The following WDPCP variants were observed in gnomAD, a reference collection of about 807,000 sequenced individuals.
WDPCP encodes the protein WD repeat containing planar cell polarity effector.
In WDPCP, 71 loss-of-function variants were observed where a neutral mutation model predicts 93.1. The observed-to-expected ratio is 0.76, with a 90% CI of 0.63 to 0.93. The LOEUF is 0.93. WDPCP is among the 40% of genes least tolerant of loss of function. The pLI is 0.00. For missense variants in WDPCP, 844 were observed against 887.4 expected, an observed-to-expected ratio of 0.95 and a Z score of 0.62; for synonymous variants, 315 against 315.0, an observed-to-expected ratio of 1.00 and a Z score of 0.00.
At chr2:63,549,122 G>A (rs1032821256) in intron 1 of WDPCP, among the ~76,000 whole-genome samples, 4 of 151,712 alleles carry the variant, frequency 2.6e-5, no homozygotes, top group African/African-American at 4.8e-5. Context: ...GGTGGCTGAC[G>A]CCTGTAATCC....
chr2:63,618,865 T>G (rs919604262), intron 3 of WDPCP, among the ~76,000 whole-genome samples: 3 of 152,102 alleles, frequency 2.0e-5, no homozygotes, highest in African/African-American at 7.2e-5. Flanking sequence ...AATTTTGTAT[T>G]TTTAGTAGAG....
At chr2:63,214,738 G>A (rs940510706) in intron 14 of WDPCP, among the ~76,000 whole-genome samples, 2 of 152,054 alleles carry the variant, frequency 1.3e-5, no homozygotes, top group East Asian at 1.9e-4. Context: ...CATCTCAGCC[G>A]AATATCTCCT....
rs1354774454 is a variant in WDPCP, at chr2:63,234,251, TAAC to T, written c.1915+25053_1915+25055del. On this transcript the variant is annotated intron_variant, in intron 14 of 17. Coordinates refer to ENST00000272321, the MANE Select transcript of WDPCP (RefSeq NM_015910.7). ...TTTCATCGAAAAGAATAAATGGGTA[TAAC>T]AACACCTGTTACCATCTATCTTTTA... is the stretch of plus-strand genomic sequence containing the variant. Among the ~76,000 whole-genome samples, 10 of 152,222 alleles carry T rather than the reference TAAC, an allele frequency of 6.6e-5. No homozygotes were observed. In the East Asian group the frequency reaches 1.9e-3, roughly 29 times the overall value.
At chr2:63,791,207 T>C (rs1670539999) in intron 2 of WDPCP, among the ~76,000 whole-genome samples, 1 of 152,178 alleles carries the variant, frequency 6.6e-6, no homozygotes, top group Admixed American at 6.5e-5. Flanking sequence ...GGGGAATACT[T>C]TAAAGGATTC....
intron 12 of WDPCP, chr2:63,378,086 A>G: frequency 3.1e-6 from 1 of 319,638 alleles, no homozygotes; most frequent in East Asian, 6.8e-5. Context: ...GAAAATATTT[A>G]CTTAGTGCGA....
rs190963187 is a variant in WDPCP, at chr2:63,567,008, G to A, written c.75+21189C>T. 2.0e-3 allele frequency among the ~76,000 whole-genome samples: 312 copies of A among 152,310 alleles called. 1 individual carries two copies. Among genetic ancestry groups the A allele is most frequent in the African/African-American group, 6.7e-3 (280 of 41,558 alleles). Reference sequence around the variant, plus strand: ...GCAGCAGGGGTCGGGTGGAGTTGAGGTCGGGGGTGGTGTGGTTGTGGGGAG... The same window carrying A: ...GCAGCAGGGGTCGGGTGGAGTTGAGATCGGGGGTGGTGTGGTTGTGGGGAG... On this transcript the variant is annotated intron_variant, in intron 1 of 17. Coordinates refer to ENST00000272321, the MANE Select transcript of WDPCP (RefSeq NM_015910.7).
intron 1 of WDPCP, among the ~76,000 whole-genome samples, chr2:63,552,588 C>T (rs1328720846): frequency 2.0e-5 from 3 of 151,924 alleles, no homozygotes; most frequent in Non-Finnish European, 2.9e-5. Flanking sequence ...GGGTATATTG[C>T]GTGATGCTGG....
chr2:63,168,220 T>G (rs143488317), intron 15 of WDPCP, among the ~76,000 whole-genome samples: 227 of 152,254 alleles, frequency 1.5e-3, no homozygotes, highest in Non-Finnish European at 2.9e-3. Context: ...GACTTCTATA[T>G]TATTTGTTGT....
chr2:63,392,144 G>A (rs1433319598), intron 10 of WDPCP, among the ~76,000 whole-genome samples: 1 of 152,034 alleles, frequency 6.6e-6, no homozygotes, highest in Admixed American at 6.6e-5. Context: ...TATACTACAA[G>A]GCTACAGTAA....
intron 3 of WDPCP, chr2:63,606,025 C>G (rs1709522290): frequency 2.5e-6 from 4 of 1,613,178 alleles, no homozygotes; most frequent in South Asian, 2.2e-5. Flanking sequence ...CTGTTGTAAT[C>G]AAGGTAAGGT....
intron 2 of WDPCP, among the ~76,000 whole-genome samples, chr2:63,766,779 G>A (rs1293644839): frequency 6.6e-6 from 1 of 152,052 alleles, no homozygotes; most frequent in East Asian, 1.9e-4. Context: ...ACAATTTTAA[G>A]TATACAGTTC....
chr2:63,351,906 C>A (rs1689654340), intron 12 of WDPCP, among the ~76,000 whole-genome samples: 1 of 152,192 alleles, frequency 6.6e-6, no homozygotes, highest in South Asian at 2.1e-4. Flanking sequence ...TAAGCATAAC[C>A]TTTTCTCTGC....
At chr2:63,463,762 C>T (rs1273607863) in intron 6 of WDPCP, among the ~76,000 whole-genome samples, 4 of 152,048 alleles carry the variant, frequency 2.6e-5, no homozygotes, top group Non-Finnish European at 5.9e-5. Context: ...TTTCAACAAA[C>T]GATGCTGAGA....
At chr2:63,661,088 A>G (rs1469692178) in intron 2 of WDPCP, among the ~76,000 whole-genome samples, 1 of 152,070 alleles carries the variant, frequency 6.6e-6, no homozygotes, top group Non-Finnish European at 1.5e-5. Flanking sequence ...TATGCAACAA[A>G]TCTCCCCAAA....
intron 14 of WDPCP, among the ~76,000 whole-genome samples, chr2:63,230,398 A>T (rs62177789): frequency 6.6e-6 from 1 of 151,968 alleles, no homozygotes; most frequent in Non-Finnish European, 1.5e-5. Flanking sequence ...ATAAACATAC[A>T]TGTGTATGTG....
At chr2:63,387,218 G>A (rs1192053940) in intron 10 of WDPCP, among the ~76,000 whole-genome samples, 1 of 152,052 alleles carries the variant, frequency 6.6e-6, no homozygotes, top group Non-Finnish European at 1.5e-5. Context: ...GATACACGTA[G>A]ATGTAAAAAT....
chr2:63,728,196 C>T (rs536025132), intron 2 of WDPCP, among the ~76,000 whole-genome samples: 1 of 152,162 alleles, frequency 6.6e-6, no homozygotes, highest in East Asian at 1.9e-4. Context: ...TTAATACAAG[C>T]AGTAGCATTA....
At chr2:63,572,392 T>C (rs918463433) in intron 1 of WDPCP, among the ~76,000 whole-genome samples, 2 of 151,956 alleles carry the variant, frequency 1.3e-5, no homozygotes, top group Admixed American at 1.3e-4. Flanking sequence ...ATTTCTAATA[T>C]GTTGTTATTA....
chr2:63,135,535 T>C (rs1213216926), intron 17 of WDPCP, among the ~76,000 whole-genome samples: 1 of 152,108 alleles, frequency 6.6e-6, no homozygotes, highest in Admixed American at 6.5e-5. Context: ...TTTCACCATG[T>C]TGGCCAGGCT....
Sources: allele counts gnomAD v4.1 joint callset (sites outside exome capture counted in the v4.1 genomes callset), GRCh38; gene constraint gnomAD v4.1.1; transcripts MANE v1.5; gene names NCBI Gene and HGNC (gene_info 2026-07-23, HGNC 2026-07-21).